L3MBTL3: variants seen among roughly 807,000 people sequenced by gnomAD.
The protein encoded by L3MBTL3 is lethal(3)malignant brain tumor-like protein 3.
L3MBTL3 carries 27 observed loss-of-function variants against 102.3 expected under a neutral mutation model. The ratio of observed to expected loss-of-function variants is 0.26; its 90% CI spans 0.19 to 0.36. The LOEUF is 0.36. L3MBTL3 is among the 10% of genes least tolerant of loss of function. The pLI is 1.00. For synonymous variants in L3MBTL3, 340 were observed against 320.9 expected, an observed-to-expected ratio of 1.06 and a Z score of -0.64; for missense variants, 798 against 955.3, an observed-to-expected ratio of 0.84 and a Z score of 2.17.
At chr6:130,054,934 C>T (rs534740987) in intron 7 of L3MBTL3, among the ~76,000 whole-genome samples, 2 of 152,132 alleles carry the variant, frequency 1.3e-5, no homozygotes, top group African/African-American at 2.4e-5. Flanking sequence ...TTTCAAGGAG[C>T]GGGGAGCGGT....
rs772877961 is a variant in L3MBTL3 at position 130,133,946 on chromosome 6, T to A, written c.2199+41T>A. 1 of 1,461,496 alleles carries A rather than the reference T, an allele frequency of 6.8e-7. No individual in the cohort carries two copies. The highest frequency in any genetic ancestry group is 9.6e-7 in the Non-Finnish European group (1 of 1,042,600). The allele number at this position is 1,461,496 out of a possible 1,614,324, so 90.5% of individuals were successfully genotyped here. On this transcript the variant is annotated intron_variant, in intron 22 of 22. Coordinates refer to ENST00000361794, the MANE Select transcript of L3MBTL3 (RefSeq NM_032438.4). This position sits in a 1 kb window ranked among gnomAD's most constrained non-coding sequence, Gnocchi z 4.9. ...AATTGCAATATGTTACTTAATGGGA[T>A]CAAAGCACTGAAATGCAGTGGAAGG...
At chr6:130,049,901 T>C (rs1265478256) in intron 5 of L3MBTL3, 71 bp downstream of exon 5, 32 of 1,533,908 alleles carry the variant, frequency 2.1e-5, no homozygotes, top group Non-Finnish European at 2.8e-5. Flanking sequence ...ACAAACCTGC[T>C]CTTTCTTCCC....
chr6:130,066,207 G>C (rs1782239377), intron 10 of L3MBTL3, 146 bp from the exon 11 acceptor site: 2 of 266,796 alleles, frequency 7.5e-6, no homozygotes, highest in Admixed American at 1.1e-4. Context: ...TATTTGTTTA[G>C]TTGTTTTATT....
intron 18 of L3MBTL3, among the ~76,000 whole-genome samples, chr6:130,099,188 G>A (rs934920742): frequency 5.3e-5 from 8 of 152,222 alleles, no homozygotes; most frequent in Admixed American, 3.3e-4. Context: ...TGCTAATAGT[G>A]TAGGATGCAC....
chr6:130,139,517 A>G (rs952944773), intron 22 of L3MBTL3, 93 bp from the exon 23 acceptor site: 46 of 1,158,096 alleles, frequency 4.0e-5, no homozygotes, highest in Admixed American at 1.2e-4. Flanking sequence ...TAGCATTGCT[A>G]TGTAGAAGAC....
chr6:130,098,313 T>C (rs1291065353), intron 18 of L3MBTL3, among the ~76,000 whole-genome samples: 1 of 152,190 alleles, frequency 6.6e-6, no homozygotes, highest in Non-Finnish European at 1.5e-5. Context: ...GTTAAGTGCC[T>C]TCTTTATGTC....
chr6:130,055,837 T>G (rs1312693574), intron 8 of L3MBTL3, among the ~76,000 whole-genome samples: 1 of 151,546 alleles, frequency 6.6e-6, no homozygotes, highest in African/African-American at 2.4e-5. Flanking sequence ...GCTCCTGGCG[T>G]GGAACCTGTT....
chr6:130,135,381 G>A (rs186061482), intron 22 of L3MBTL3, among the ~76,000 whole-genome samples: 5 of 152,040 alleles, frequency 3.3e-5, no homozygotes, highest in East Asian at 3.9e-4. Flanking sequence ...ATTCTGTATC[G>A]CTGAGCAGAC....
intron 19 of L3MBTL3, among the ~76,000 whole-genome samples, chr6:130,110,481 T>C (rs1785281717): frequency 6.6e-6 from 1 of 152,232 alleles, no homozygotes; most frequent in African/African-American, 2.4e-5. Context: ...TCACTCATGA[T>C]TTGACTCTCT....
At chr6:130,131,782 A>G (rs1279047237) in intron 20 of L3MBTL3, among the ~76,000 whole-genome samples, 1 of 152,174 alleles carries the variant, frequency 6.6e-6, no homozygotes, top group African/African-American at 2.4e-5. Flanking sequence ...ACAATTGTAA[A>G]CTGTCCTGGC....
chr6:130,127,890 C>A (rs1217834166), intron 20 of L3MBTL3, among the ~76,000 whole-genome samples: 1 of 151,966 alleles, frequency 6.6e-6, no homozygotes, highest in Non-Finnish European at 1.5e-5. Flanking sequence ...TATTATAGAA[C>A]AATTAGCAAA....
At chr6:130,124,630 G>A (rs1405460716) in intron 20 of L3MBTL3, among the ~76,000 whole-genome samples, 1 of 152,118 alleles carries the variant, frequency 6.6e-6, no homozygotes, top group Non-Finnish European at 1.5e-5. Flanking sequence ...CTTTCTTGAA[G>A]GTAATACCTA....
At chr6:130,056,259 C>T (rs1781502626) in intron 8 of L3MBTL3, among the ~76,000 whole-genome samples, 1 of 152,046 alleles carries the variant, frequency 6.6e-6, no homozygotes, top group Non-Finnish European at 1.5e-5. Context: ...GTTCCTCAGG[C>T]AGCATTTTAT....
intron 18 of L3MBTL3, 70 bp downstream of exon 18, chr6:130,094,437 A>G: frequency 1.1e-6 from 1 of 904,764 alleles, no homozygotes. Context: ...AATGAATTTC[A>G]TATATACTAA....
At chr6:130,139,501 C>CT (rs1289735926) in intron 22 of L3MBTL3, 109 bp from the exon 23 acceptor site, 9 of 1,003,390 alleles carry the variant, frequency 9.0e-6, no homozygotes, top group South Asian at 2.9e-5. Context: ...CTTCTCTGTG[C>CT]TTTTTTAGCA....
At chr6:130,139,081 T>C (rs1207506120) in intron 22 of L3MBTL3, among the ~76,000 whole-genome samples, 2 of 104,444 alleles carry the variant, frequency 1.9e-5, no homozygotes, top group Non-Finnish European at 3.9e-5. Flanking sequence ...GTAAATGCTT[T>C]TCTTCTGTGT....
chr6:130,072,522 T>C (rs1782704075), intron 13 of L3MBTL3, among the ~76,000 whole-genome samples: 1 of 152,218 alleles, frequency 6.6e-6, no homozygotes. Flanking sequence ...AGGACATCTT[T>C]ATATTCAGTT....
chr6:130,138,768 CTTTTT>C (rs35404490), intron 22 of L3MBTL3, among the ~76,000 whole-genome samples: 2 of 148,804 alleles, frequency 1.3e-5, no homozygotes, highest in Non-Finnish European at 3.0e-5. Context: ...GAAAGGGAAA[CTTTTT>C]TTTTTTAAGG....
intron 19 of L3MBTL3, among the ~76,000 whole-genome samples, chr6:130,118,264 T>A (rs1169516945): frequency 6.6e-6 from 1 of 152,202 alleles, no homozygotes; most frequent in Non-Finnish European, 1.5e-5. Context: ...AGTCTTAACT[T>A]CTCTACATTT....
Sources: allele counts gnomAD v4.1 joint callset (sites outside exome capture counted in the v4.1 genomes callset), GRCh38; gene constraint gnomAD v4.1.1; non-coding constraint Gnocchi (gnomAD v3.1); transcripts MANE v1.5; gene names NCBI Gene and HGNC (gene_info 2026-07-23, HGNC 2026-07-21).